METTL21A: variants seen among roughly 807,000 people sequenced by gnomAD.
METTL21A encodes the protein protein N-lysine methyltransferase METTL21A.
A neutral mutation model predicts 20.9 loss-of-function variants in METTL21A; 22 were observed. The observed-to-expected ratio is 1.05, with a 90% CI of 0.75 to 1.50. The LOEUF (loss-of-function observed/expected upper bound fraction) is 1.50, where lower values mean the gene tolerates loss of function less well. METTL21A is among the 40% of genes most tolerant of loss of function. The pLI, the probability that METTL21A is intolerant of heterozygous loss-of-function variation, is 0.00. For synonymous variants in METTL21A, 93 were observed against 102.0 expected, an observed-to-expected ratio of 0.91 and a Z score of 0.53; for missense variants, 271 against 266.8, an observed-to-expected ratio of 1.02 and a Z score of -0.11.
chr2:207,598,390 CA>C (rs1217185138), intron 3 of METTL21A: 1 of 181,382 alleles, frequency 5.5e-6, no homozygotes, highest in African/African-American at 2.4e-5. Context: ...CTGATTAAAA[CA>C]GTCTGTATTT....
At chr2:207,624,126 C>T (rs2090834239) in intron 2 of METTL21A, 103 bp downstream of exon 2, 3 of 1,342,832 alleles carry the variant, frequency 2.2e-6, no homozygotes, top group East Asian at 4.8e-5. Context: ...AAAGTGTATG[C>T]TATGTGAATT....
intron 3 of METTL21A, chr2:207,598,145 A>G (rs796363799): frequency 5.5e-6 from 1 of 180,698 alleles, no homozygotes; most frequent in Non-Finnish European, 1.2e-5. Context: ...AATTTAACAG[A>G]GAATCTCTAG....
chr2:207,597,571 C>T (rs963228705), intron 3 of METTL21A: 7 of 209,872 alleles, frequency 3.3e-5, no homozygotes, highest in African/African-American at 1.6e-4. Context: ...TGTTAAGAGA[C>T]ATACCCTCTA....
At chr2:207,580,936 A>T (rs1489395305), downstream of METTL21A, 1 of 217,266 alleles carries the variant, frequency 4.6e-6, no homozygotes, top group African/African-American at 2.2e-5. Context: ...TCTACTCGTG[A>T]TCTGTTAGCC....
At chr2:207,606,357 C>T (rs945656761), downstream of METTL21A, among the ~76,000 whole-genome samples, 2 of 152,280 alleles carry the variant, frequency 1.3e-5, no homozygotes, top group African/African-American at 4.8e-5. Context: ...TGGCAGGCGC[C>T]TGTAATCCCA....
At chr2:207,600,212 G>A (rs554424001) in intron 3 of METTL21A, 1 of 166,762 alleles carries the variant, frequency 6.0e-6, no homozygotes, top group South Asian at 2.2e-4. Flanking sequence ...TCTTGGGGGG[G>A]GTGGCATTTG....
rs551108253 is a variant in METTL21A at position 207,602,138 on chromosome 2, CAG to C, written c.259+19666_259+19667del. The stretch of plus-strand genomic sequence containing the variant: ...TAGCTTAAGCCTTTGTATGTGTCCT[CAG>C]GGGGCAGACCGACTTTAAGAGGGAC... On this transcript the variant is annotated intron_variant, in intron 3 of 3. Coordinates refer to the METTL21A transcript ENST00000425132. 45 of 200,394 alleles carry C rather than the reference CAG, an allele frequency of 2.2e-4. No individual in the cohort carries two copies. The East Asian group carries it at 2.9e-3, about 13-fold the overall frequency. The allele number at this position is 200,394 out of a possible 1,614,324, so 12.4% of individuals were successfully genotyped here. A position where few individuals can be genotyped will look rare whatever the true frequency, so the allele number is the denominator to read the frequency against.
chr2:207,585,189 C>T (rs565302215), intron 3 of METTL21A, among the ~76,000 whole-genome samples: 1 of 152,176 alleles, frequency 6.6e-6, no homozygotes, highest in African/African-American at 2.4e-5. Context: ...CTGCTGCCAC[C>T]GTAAAGGCCT....
At chr2:207,592,644 G>C (rs1383584829) in intron 3 of METTL21A, among the ~76,000 whole-genome samples, 1 of 152,038 alleles carries the variant, frequency 6.6e-6, no homozygotes, top group Admixed American at 6.5e-5. Flanking sequence ...TTCTTGGCCA[G>C]GTGCAGTGGC....
At chr2:207,581,652 C>A (rs781260764), downstream of METTL21A, 2 of 424,784 alleles carry the variant, frequency 4.7e-6, no homozygotes, top group African/African-American at 2.0e-5. Context: ...TTTAAAAATA[C>A]AGAGTTCCGG....
upstream of METTL21A, chr2:207,625,402 C>G (rs539085810): frequency 6.6e-6 from 1 of 152,254 alleles, no homozygotes; most frequent in South Asian, 2.1e-4. Context: ...TCCGGTCTCC[C>G]GGCACCCAGC....
At chr2:207,624,342 A>G in exon 2 of METTL21A, 1 of 1,613,812 alleles carries the variant, frequency 6.2e-7, no homozygotes. Flanking sequence ...TGCAACCCAA[A>G]TTCCGTGGTC....
intron 3 of METTL21A, chr2:207,603,189 C>CT: frequency 4.7e-6 from 1 of 213,714 alleles, no homozygotes; most frequent in East Asian, 7.1e-5. Context: ...TCTTTTTGTG[C>CT]TTTATGTGTA....
downstream of METTL21A, among the ~76,000 whole-genome samples, chr2:207,606,392 G>C (rs1481186148): frequency 6.6e-6 from 1 of 152,210 alleles, no homozygotes; most frequent in African/African-American, 2.4e-5. Context: ...TGAGGCAGGA[G>C]AATCACTTGA....
chr2:207,586,386 A>G (rs2083844338), intron 3 of METTL21A, among the ~76,000 whole-genome samples: 1 of 152,166 alleles, frequency 6.6e-6, no homozygotes. Flanking sequence ...ATGAAACTAG[A>G]TACCTATCAC....
intron 3 of METTL21A, among the ~76,000 whole-genome samples, chr2:207,592,024 A>C (rs1270558380): frequency 6.6e-6 from 1 of 152,174 alleles, no homozygotes. Flanking sequence ...TTCTTAGAAA[A>C]TAGATCTTCT....
chr2:207,613,078 C>A, exon 4 of METTL21A: 1 of 1,582,070 alleles, frequency 6.3e-7, no homozygotes, highest in Non-Finnish European at 8.6e-7. Context: ...CTCTTCTGTG[C>A]TTCGTAAATA....
At chr2:207,613,126 C>T (rs2089196481) in exon 4 of METTL21A, 3 of 1,612,018 alleles carry the variant, frequency 1.9e-6, no homozygotes, top group Middle Eastern at 1.6e-4. Context: ...ACCTTTCTCA[C>T]AGTAAATTGC....
At chr2:207,620,627 G>A in intron 3 of METTL21A, 1 of 1,525,324 alleles carries the variant, frequency 6.6e-7, no homozygotes, top group South Asian at 1.2e-5. Context: ...ACACGGGAAT[G>A]TTCTAAGGCT....
Sources: gnomAD v4.1 joint callset for allele counts (sites outside exome capture counted in the v4.1 genomes callset) on GRCh38, gnomAD v4.1.1 for gene constraint, MANE v1.5 for transcripts, NCBI Gene and HGNC (gene_info 2026-07-23, HGNC 2026-07-21) for gene names.